The following LRRC1 variants were observed in gnomAD, a reference collection of about 807,000 sequenced individuals.
LRRC1 encodes the protein leucine rich repeat containing 1.
In LRRC1, 28 loss-of-function variants were observed where a neutral mutation model predicts 69.9. The observed-to-expected ratio is 0.40, with a 90% CI of 0.30 to 0.55. The LOEUF (loss-of-function observed/expected upper bound fraction) is 0.55. LRRC1 is among the 20% of genes least tolerant of loss of function. LRRC1 has a pLI of 0.47. For missense variants in LRRC1, 498 were observed against 609.0 expected (o/e 0.82, Z 1.92); for synonymous variants, 236 against 240.2 (o/e 0.98, Z 0.16).
intron 2 of LRRC1, among the ~76,000 whole-genome samples, chr6:53,850,548 C>T (rs1025293797): frequency 5.9e-5 from 9 of 152,208 alleles, no homozygotes; most frequent in Non-Finnish European, 1.0e-4. Context: ...ATAACTAAAA[C>T]TCAGTGCATA....
At chr6:53,798,017 G>T (rs1432619470) in intron 1 of LRRC1, among the ~76,000 whole-genome samples, 1 of 152,154 alleles carries the variant, frequency 6.6e-6, no homozygotes, top group Non-Finnish European at 1.5e-5. Flanking sequence ...CATTTATTGA[G>T]ACTCCATTAT....
At chr6:53,820,144 C>T (rs944222010) in intron 1 of LRRC1, among the ~76,000 whole-genome samples, 2 of 151,990 alleles carry the variant, frequency 1.3e-5, no homozygotes, top group East Asian at 3.9e-4. Context: ...TTAAAGAGAT[C>T]ATTTTCCAGT....
rs1249579303 is a variant in LRRC1 at position 53,795,025 on chromosome 6, G to A, written c.-232G>A. The A allele has an allele frequency of 5.7e-6, 2 of 350,302 alleles. No homozygotes were observed. The highest frequency in any genetic ancestry group is 1.0e-5 in the Non-Finnish European group (2 of 195,060). The allele number at this position is 350,302 out of a possible 1,614,324, so 21.7% of individuals were successfully genotyped here. ...GGGGCGGCGACGGCGACTGGCGGGT[G>A]GGAGTGGAGGCACCGGCTGGCGGGC... On this transcript the variant is annotated 5_prime_UTR_variant, in exon 1 of 14. Coordinates refer to ENST00000370888, the MANE Select transcript of LRRC1 (RefSeq NM_018214.5).
intron 2 of LRRC1, among the ~76,000 whole-genome samples, chr6:53,857,034 A>G (rs1168672549): frequency 6.6e-6 from 1 of 152,192 alleles, no homozygotes; most frequent in African/African-American, 2.4e-5. Flanking sequence ...AGATGAGTTT[A>G]TCTGTGGACA....
intron 1 of LRRC1, among the ~76,000 whole-genome samples, chr6:53,829,310 AT>A (rs1765365068): frequency 6.6e-6 from 1 of 152,192 alleles, no homozygotes; most frequent in African/African-American, 2.4e-5. Context: ...ATTAAATGAG[AT>A]TATGTATGTA....
intron 1 of LRRC1, among the ~76,000 whole-genome samples, chr6:53,810,214 G>A (rs992073925): frequency 2.6e-5 from 4 of 152,328 alleles, no homozygotes; most frequent in South Asian, 4.1e-4. Flanking sequence ...TCAGGGAGTA[G>A]TAGATAAATG....
intron 1 of LRRC1, among the ~76,000 whole-genome samples, chr6:53,822,474 C>T (rs574344156): frequency 3.3e-5 from 5 of 152,274 alleles, no homozygotes; most frequent in African/African-American, 1.2e-4. Context: ...AAGTTGTTGG[C>T]ATTTCCATTA....
chr6:53,919,491 A>AAAAAAC lies in LRRC1; in HGVS notation c.1107-4_1107-3insAACAAA, dbSNP rs1562075807. Reference sequence around the variant, plus strand: ...GTCTCTTTTTTTAAAAAAAAAAAAAAAAACAGGTTGCTGCATCTACCTTTA... The same window carrying AAAAAAC: ...GTCTCTTTTTTTAAAAAAAAAAAAAAAAAAACAAACAGGTTGCTGCATCTACCTTTA... On this transcript the variant is annotated splice_polypyrimidine_tract_variant and splice_region_variant and intron_variant, in intron 11 of 13. Transcript: ENST00000370888. The AAAAAAC allele has an allele frequency of 3.6e-5, 55 of 1,519,668 alleles. No individual in the cohort carries two copies. Among genetic ancestry groups the AAAAAAC allele is most frequent in the Non-Finnish European group, 4.6e-5 (53 of 1,140,844 alleles). 94.1% of individuals were successfully genotyped at this position (1,519,668 alleles called of 1,614,324 possible). A position where few individuals can be genotyped will look rare whatever the true frequency, so the allele number is the denominator to read the frequency against.
intron 2 of LRRC1, among the ~76,000 whole-genome samples, chr6:53,872,507 C>T (rs1418926289): frequency 1.3e-5 from 2 of 152,066 alleles, no homozygotes; most frequent in Non-Finnish European, 2.9e-5. Flanking sequence ...TTTACATTTT[C>T]ACTAACAGTG....
At chr6:53,904,203 A>G (rs73432417) in intron 9 of LRRC1, among the ~76,000 whole-genome samples, 176 bp from the exon 10 acceptor site, 1,528 of 152,354 alleles carry the variant, frequency 0.01, 34 homozygotes, top group African/African-American at 0.035. Context: ...CAAAAATTCA[A>G]AATACTTAAT....
Position 53,818,086 on chromosome 6 carries a change from T to C in LRRC1, c.159+22671T>C, listed in dbSNP as rs369352204. Among the ~76,000 whole-genome samples, 20 of 152,346 alleles carry C rather than the reference T, an allele frequency of 1.3e-4. No homozygotes were observed. In the East Asian group the frequency reaches 3.5e-3, roughly 26 times the overall value. On this transcript the variant is annotated intron_variant, in intron 1 of 13. Coordinates refer to ENST00000370888, the MANE Select transcript of LRRC1 (RefSeq NM_018214.5). ...AAGTGGGTTTTCTTTACATCCCTTT[T>C]CCAGGTCTGTGCTTCCTTTCTAAGG...
intron 1 of LRRC1, among the ~76,000 whole-genome samples, chr6:53,816,367 AT>A (rs1167076130): frequency 6.6e-6 from 1 of 152,070 alleles, no homozygotes; most frequent in African/African-American, 2.4e-5. Flanking sequence ...TACGTTAAAA[AT>A]TCCGAGTTCA....
chr6:53,839,039 A>G (rs1182442913), intron 1 of LRRC1, among the ~76,000 whole-genome samples: 6 of 151,996 alleles, frequency 3.9e-5, no homozygotes, highest in Admixed American at 3.3e-4. Flanking sequence ...TGCATGGTAA[A>G]TCTTTTTCAA....
At chr6:53,840,866 G>C (rs1765757511) in intron 1 of LRRC1, among the ~76,000 whole-genome samples, 1 of 149,722 alleles carries the variant, frequency 6.7e-6, no homozygotes, top group Non-Finnish European at 1.5e-5. Flanking sequence ...GTTTCCTCTG[G>C]GGTGGGGGGG....
At chr6:53,859,021 T>C (rs992914888) in intron 2 of LRRC1, among the ~76,000 whole-genome samples, 10 of 152,196 alleles carry the variant, frequency 6.6e-5, no homozygotes, top group African/African-American at 2.4e-4. Context: ...TACTACGCAC[T>C]CTCTGCATGT....
At chr6:53,812,545 C>T (rs1187201020) in intron 1 of LRRC1, among the ~76,000 whole-genome samples, 3 of 151,912 alleles carry the variant, frequency 2.0e-5, no homozygotes, top group Admixed American at 1.3e-4. Flanking sequence ...AAAAAATCAG[C>T]CGGGCGTGGT....
intron 2 of LRRC1, among the ~76,000 whole-genome samples, chr6:53,847,671 T>C (rs1400376194): frequency 1.3e-5 from 2 of 152,224 alleles, no homozygotes; most frequent in Admixed American, 1.3e-4. Flanking sequence ...TTTGAGTGCA[T>C]GATTGGGTTA....
intron 2 of LRRC1, among the ~76,000 whole-genome samples, chr6:53,872,579 GTTC>G (rs917262959): frequency 2.0e-5 from 3 of 151,782 alleles, no homozygotes; most frequent in Admixed American, 2.0e-4. Context: ...TTCCAGCTTT[GTTC>G]TTTTTCTTTA....
chr6:53,795,326 C>T lies in LRRC1; in HGVS notation c.70C>T (p.Leu24=), dbSNP rs775687191. Residue 24 remains leucine (L), a synonymous_variant, in exon 1 of 14, where the codon CTG becomes TTG. Transcript: ENST00000370888. ...VESIDKRHCS[L]VYVPEEIYRY... ...GAGCATCGACAAGCGCCACTGCTCG[C>T]TGGTCTACGTCCCCGAGGAGATCTA... 6.2e-7 allele frequency: 1 copy of T among 1,613,716 alleles called. No homozygotes were observed. Among genetic ancestry groups the T allele is most frequent in the Non-Finnish European group, 8.5e-7 (1 of 1,179,950 alleles).
Sources: allele counts gnomAD v4.1 joint callset (sites outside exome capture counted in the v4.1 genomes callset), GRCh38; gene constraint gnomAD v4.1.1; transcripts MANE v1.5; gene names NCBI Gene and HGNC (gene_info 2026-07-23, HGNC 2026-07-21).